Variants in SUCLG2 observed in about 807,000 individuals in gnomAD.
SUCLG2 encodes succinate-CoA ligase GDP-forming subunit beta.
A neutral mutation model predicts 47.9 loss-of-function variants in SUCLG2; 42 were observed. The observed-to-expected ratio is 0.88, with a 90% CI of 0.69 to 1.14. The LOEUF (loss-of-function observed/expected upper bound fraction) is 1.14. SUCLG2 is among the 50% of genes most tolerant of loss of function. The probability of loss-of-function intolerance (pLI) is 0.00; values close to 1 mark genes in which losing one functional copy is unlikely to be tolerated. For synonymous variants in SUCLG2, 195 were observed against 197.3 expected (o/e 0.99, Z 0.10); for missense variants, 571 against 525.9 (o/e 1.09, Z -0.84).
intron 2 of SUCLG2, among the ~76,000 whole-genome samples, chr3:67,552,361 A>G (rs1218057049): frequency 6.6e-6 from 1 of 152,198 alleles, no homozygotes; most frequent in African/African-American, 2.4e-5. Context: ...GTGACTTAAT[A>G]TACCAAATTA....
chr3:67,393,809 T>A (rs1702454393), intron 10 of SUCLG2, among the ~76,000 whole-genome samples: 1 of 152,052 alleles, frequency 6.6e-6, no homozygotes, highest in Non-Finnish European at 1.5e-5. Flanking sequence ...GGCCGGGTAC[T>A]CCTCTGAGAC....
At chr3:67,552,053 G>C (rs762134720) in intron 2 of SUCLG2, among the ~76,000 whole-genome samples, 4 of 151,390 alleles carry the variant, frequency 2.6e-5, no homozygotes, top group African/African-American at 9.7e-5. Flanking sequence ...AAGAAGCCAC[G>C]CCACCCAGTA....
In SUCLG2 at chr3:67,498,204, C is replaced by A. The variant is rs759170871; in HGVS notation, c.849G>T (p.Glu283Asp). ...IFAMDDKSEN[E>D]PIENEAAKYD... ...ATTTGGCAGCTTCATTTTCAATGGG[C>A]TCATTCTCTGATTTGTCGTCCATAG... Residue 283 changes from glutamate to aspartate, a missense_variant, in exon 8 of 11, where the codon GAG becomes GAT. Transcript: ENST00000307227. The A allele has an allele frequency of 2.5e-6, 4 of 1,613,776 alleles. No homozygotes were observed. The highest frequency in any genetic ancestry group is 3.4e-6 in the Non-Finnish European group (4 of 1,179,828).
At chr3:67,498,446 G>A in intron 7 of SUCLG2, 151 bp from the exon 8 acceptor site, 3 of 785,808 alleles carry the variant, frequency 3.8e-6, no homozygotes, top group Non-Finnish European at 5.9e-6. Flanking sequence ...TGGCTTTCTT[G>A]ACCTTTAAAT....
At chr3:67,572,432 T>C (rs1707638542) in intron 2 of SUCLG2, among the ~76,000 whole-genome samples, 1 of 152,208 alleles carries the variant, frequency 6.6e-6, no homozygotes, top group Non-Finnish European at 1.5e-5. Flanking sequence ...TTCTTTAGCC[T>C]ATAAATAGCA....
intron 6 of SUCLG2, among the ~76,000 whole-genome samples, chr3:67,512,795 ACTGCCT>A (rs1014358774): frequency 4.0e-5 from 6 of 150,336 alleles, no homozygotes; most frequent in Admixed American, 4.0e-4. Flanking sequence ...TTCTCTTCCC[ACTGCCT>A]CTGGCAACAT....
chr3:67,439,764 A>G (rs1431831958), intron 9 of SUCLG2, among the ~76,000 whole-genome samples: 1 of 152,228 alleles, frequency 6.6e-6, no homozygotes, highest in Non-Finnish European at 1.5e-5. Flanking sequence ...TTCCATGCTC[A>G]TGAATAGGAA....
At chr3:67,419,152 T>C (rs945820364) in intron 9 of SUCLG2, among the ~76,000 whole-genome samples, 5 of 152,220 alleles carry the variant, frequency 3.3e-5, no homozygotes, top group African/African-American at 1.2e-4. Flanking sequence ...TGGCATTCTA[T>C]TTACATCAGC....
chr3:67,408,539 A>C, intron 9 of SUCLG2: 1 of 808,084 alleles, frequency 1.2e-6, no homozygotes. Flanking sequence ...CTCTGGGGAC[A>C]GTAACTTGAT....
chr3:67,601,056 A>G (rs1559590798), intron 2 of SUCLG2, among the ~76,000 whole-genome samples: 3 of 152,188 alleles, frequency 2.0e-5, no homozygotes, highest in Admixed American at 2.0e-4. Context: ...TTATCATAAA[A>G]CCTTAAAATA....
intron 9 of SUCLG2, among the ~76,000 whole-genome samples, chr3:67,451,828 T>G (rs1364260281): frequency 7.2e-5 from 11 of 152,088 alleles, no homozygotes; most frequent in Admixed American, 7.2e-4. Flanking sequence ...TATGATGTAG[T>G]GGTACAAGGG....
chr3:67,450,423 T>A (rs534481066), intron 9 of SUCLG2, among the ~76,000 whole-genome samples: 1 of 152,216 alleles, frequency 6.6e-6, no homozygotes, highest in Non-Finnish European at 1.5e-5. Flanking sequence ...TTAAGCCATA[T>A]TGGCACCAAG....
chr3:67,539,610 T>C (rs1400863202), intron 2 of SUCLG2, among the ~76,000 whole-genome samples: 1 of 152,166 alleles, frequency 6.6e-6, no homozygotes, highest in Non-Finnish European at 1.5e-5. Context: ...TTTTCTATTG[T>C]TTGGAATAGT....
chr3:67,514,482 C>T (rs1705887115), intron 6 of SUCLG2, among the ~76,000 whole-genome samples: 1 of 152,138 alleles, frequency 6.6e-6, no homozygotes, highest in Non-Finnish European at 1.5e-5. Flanking sequence ...AAGTACAAAC[C>T]ACTTCAAGAG....
At chr3:67,498,495 T>C (rs1211781256) in intron 7 of SUCLG2, among the ~76,000 whole-genome samples, 200 bp from the exon 8 acceptor site, 2 of 152,232 alleles carry the variant, frequency 1.3e-5, no homozygotes, top group Non-Finnish European at 2.9e-5. Flanking sequence ...ACTTACGTTC[T>C]AGTAAAGAAC....
At chr3:67,643,943 C>T (rs899777656) in intron 1 of SUCLG2, among the ~76,000 whole-genome samples, 15 of 152,230 alleles carry the variant, frequency 9.9e-5, no homozygotes, top group African/African-American at 2.7e-4. Flanking sequence ...TCACAAAGTG[C>T]TGGGATTACA....
rs924630153 is a variant in SUCLG2, at chr3:67,535,251, G to A, written c.227-6065C>T. Among the ~76,000 whole-genome samples the A allele has an allele frequency of 2.0e-5, 3 of 152,118 alleles. No individual in the cohort carries two copies. In the East Asian group the frequency reaches 5.8e-4, roughly 29 times the overall value. On this transcript the variant is annotated intron_variant, in intron 2 of 10. Transcript: ENST00000307227. ...GGAGGCAGAACTACTATGACTTATA[G>A]ACAAGGGATTTATTATAGGAATCGA...
At chr3:67,404,452 A>C (rs541226421) in intron 9 of SUCLG2, among the ~76,000 whole-genome samples, 162 of 71,236 alleles carry the variant, frequency 2.3e-3, no homozygotes, top group South Asian at 0.022. Context: ...GTCATGAGGA[A>C]GACAGGAACA....
chr3:67,375,159 T>C lies in SUCLG2; in HGVS notation c.*585A>G, dbSNP rs1364887269. The C allele has an allele frequency of 2.0e-6, 2 of 985,176 alleles. No homozygotes were observed. The highest frequency in any genetic ancestry group is 3.5e-5 in the African/African-American group (2 of 57,224). The allele number at this position is 985,176 out of a possible 1,614,324, so 61.0% of individuals were successfully genotyped here. On this transcript the variant is annotated 3_prime_UTR_variant, in exon 11 of 11. Coordinates refer to ENST00000307227, the MANE Select transcript of SUCLG2 (RefSeq NM_003848.4). ...GTATATTAATGCAGATATTCCATTA[T>C]TAAATATATTTTGGAATACTCACGG... is the stretch of plus-strand genomic sequence containing the variant.
Sources: allele counts gnomAD v4.1 joint callset (sites outside exome capture counted in the v4.1 genomes callset), GRCh38; gene constraint gnomAD v4.1.1; transcripts MANE v1.5; gene names NCBI Gene and HGNC (gene_info 2026-07-23, HGNC 2026-07-21).